The following SLC39A11 variants were observed in gnomAD, a reference collection of about 807,000 sequenced individuals.
SLC39A11 encodes solute carrier family 39 member 11.
In SLC39A11, 33 loss-of-function variants were observed where a neutral mutation model predicts 36.1. The observed-to-expected ratio is 0.91, with a 90% CI of 0.69 to 1.22. The LOEUF (loss-of-function observed/expected upper bound fraction) is 1.22. Ranked by LOEUF, SLC39A11 falls within the 50% of genes most tolerant of loss-of-function variation. The pLI is 0.00. For missense variants in SLC39A11, 432 were observed against 430.3 expected (o/e 1.00, Z -0.03); for synonymous variants, 166 against 170.3 (o/e 0.97, Z 0.20).
intron 4 of SLC39A11, among the ~76,000 whole-genome samples, chr17:72,955,540 C>T (rs2086199560): frequency 1.3e-5 from 2 of 150,862 alleles, no homozygotes; most frequent in South Asian, 4.2e-4. Context: ...CACTCCTGAC[C>T]TCAAGTGATC....
At chr17:73,011,230 A>T (rs1027496002) in intron 4 of SLC39A11, among the ~76,000 whole-genome samples, 5 of 152,232 alleles carry the variant, frequency 3.3e-5, no homozygotes, top group African/African-American at 9.6e-5. Flanking sequence ...GAGTCTGGCA[A>T]AACACCGCAG....
intron 3 of SLC39A11, among the ~76,000 whole-genome samples, chr17:73,080,005 A>G (rs1236677183): frequency 1.3e-5 from 2 of 152,206 alleles, no homozygotes; most frequent in Non-Finnish European, 2.9e-5. Context: ...ACACATGGAA[A>G]CACCTCCCAT....
intron 5 of SLC39A11, among the ~76,000 whole-genome samples, chr17:72,931,272 G>A (rs1478428227): frequency 6.6e-6 from 1 of 152,200 alleles, no homozygotes; most frequent in Non-Finnish European, 1.5e-5. Context: ...AGGAAGAGAT[G>A]CCTTGTTAAC....
chr17:72,696,617 GC>G (rs988256106), intron 7 of SLC39A11, among the ~76,000 whole-genome samples: 1 of 152,040 alleles, frequency 6.6e-6, no homozygotes, highest in African/African-American at 2.4e-5. Flanking sequence ...AGCATTCAGG[GC>G]CCCCTATCTC....
intron 3 of SLC39A11, among the ~76,000 whole-genome samples, chr17:73,081,184 T>G (rs1339263612): frequency 6.6e-6 from 1 of 151,814 alleles, no homozygotes; most frequent in East Asian, 1.9e-4. Context: ...AATTCTCAAA[T>G]GAAGATATAC....
At chr17:73,022,848 C>G (rs1434517832) in intron 4 of SLC39A11, among the ~76,000 whole-genome samples, 1 of 152,142 alleles carries the variant, frequency 6.6e-6, no homozygotes, top group Non-Finnish European at 1.5e-5. Context: ...AAACTTCACA[C>G]TATGAAGGGC....
rs1261113688 is a variant in SLC39A11 at position 73,004,184 on chromosome 17, AAAG to A, written c.306+27369_306+27371del. ...GAAAAAAAGAAAGAAAGAAAGAAAG[AAAG>A]AAAGAAAGAAAGAAAGAAAGAAAGA... On this transcript the variant is annotated intron_variant, in intron 4 of 9. Transcript: ENST00000255559. Among the ~76,000 whole-genome samples the A allele has an allele frequency of 5.6e-5, 5 of 89,294 alleles. 1 individual carries two copies. Among genetic ancestry groups the A allele is most frequent in the African/African-American group, 2.3e-4 (5 of 21,938 alleles). 58.6% of individuals were successfully genotyped at this position (89,294 alleles called of 152,430 possible).
chr17:72,761,818 G>T (rs1435536029), intron 6 of SLC39A11, among the ~76,000 whole-genome samples: 1 of 152,202 alleles, frequency 6.6e-6, no homozygotes, highest in Non-Finnish European at 1.5e-5. Context: ...AACATGCAAT[G>T]CTCAGATCAA....
At chr17:73,042,494 T>C (rs1014985350) in intron 3 of SLC39A11, among the ~76,000 whole-genome samples, 3 of 152,272 alleles carry the variant, frequency 2.0e-5, no homozygotes, top group Admixed American at 2.0e-4. Context: ...GCAATCCATG[T>C]AGGTCAAAGC....
intron 7 of SLC39A11, among the ~76,000 whole-genome samples, chr17:72,661,481 C>T (rs1205182655): frequency 2.0e-5 from 3 of 152,202 alleles, no homozygotes; most frequent in East Asian, 1.9e-4. Flanking sequence ...TGCTTCACCC[C>T]GGCTTTCAGA....
At chr17:73,043,046 G>A (rs2143578795) in intron 3 of SLC39A11, among the ~76,000 whole-genome samples, 1 of 152,222 alleles carries the variant, frequency 6.6e-6, no homozygotes, top group Non-Finnish European at 1.5e-5. Flanking sequence ...TAATAAGAGA[G>A]GCTACAGAAG....
At chr17:73,068,718 C>G (rs1175696255) in intron 3 of SLC39A11, among the ~76,000 whole-genome samples, 1 of 152,134 alleles carries the variant, frequency 6.6e-6, no homozygotes, top group Non-Finnish European at 1.5e-5. Flanking sequence ...TCCAGCAGGA[C>G]TGTCTCTCAC....
intron 7 of SLC39A11, among the ~76,000 whole-genome samples, chr17:72,714,066 G>T (rs1395203666): frequency 6.6e-6 from 1 of 152,214 alleles, no homozygotes; most frequent in Admixed American, 6.5e-5. Flanking sequence ...GCTGGGTGCA[G>T]TGGCTCAGGC....
chr17:72,723,954 G>A (rs1330713994), intron 7 of SLC39A11, among the ~76,000 whole-genome samples: 1 of 152,156 alleles, frequency 6.6e-6, no homozygotes, highest in Non-Finnish European at 1.5e-5. Flanking sequence ...CACAGAACTG[G>A]GGATGTGGAG....
At chr17:72,732,899 G>T (rs561403427) in intron 7 of SLC39A11, among the ~76,000 whole-genome samples, 23 of 152,316 alleles carry the variant, frequency 1.5e-4, no homozygotes, top group Non-Finnish European at 2.8e-4. Context: ...TGTGATGCAG[G>T]TCTAGGGTTT....
chr17:72,719,264 G>C (rs1054829430), intron 7 of SLC39A11, among the ~76,000 whole-genome samples: 4 of 151,978 alleles, frequency 2.6e-5, no homozygotes, highest in African/African-American at 9.7e-5. Flanking sequence ...TCCTGAATCT[G>C]CCTCTTACCA....
At chr17:72,852,314 T>C (rs1172778308) in intron 5 of SLC39A11, among the ~76,000 whole-genome samples, 1 of 151,430 alleles carries the variant, frequency 6.6e-6, no homozygotes, top group African/African-American at 2.4e-5. Flanking sequence ...ACAGGGCAGG[T>C]AGACTCACTC....
chr17:72,903,607 GACACAAAGTCTCAC>G (rs1480800803), intron 5 of SLC39A11, among the ~76,000 whole-genome samples: 1 of 152,232 alleles, frequency 6.6e-6, no homozygotes, highest in Non-Finnish European at 1.5e-5. Flanking sequence ...GTAATGAGCA[GACACAAAGTCTCAC>G]AGCCCATGAG....
intron 6 of SLC39A11, among the ~76,000 whole-genome samples, chr17:72,848,720 T>TAA (rs35460918): frequency 0.037 from 5,308 of 144,238 alleles, 257 homozygotes; most frequent in African/African-American, 0.11. Flanking sequence ...GACTCTGTCT[T>TAA]AAAAAAAAAA....
Sources: gnomAD v4.1 joint callset for allele counts (sites outside exome capture counted in the v4.1 genomes callset) on GRCh38, gnomAD v4.1.1 for gene constraint, MANE v1.5 for transcripts, NCBI Gene and HGNC (gene_info 2026-07-23, HGNC 2026-07-21) for gene names.